The following GIGYF2 variants were observed in gnomAD, a reference collection of about 807,000 sequenced individuals.
The protein encoded by GIGYF2 is GRB10-interacting GYF protein 2.
Under a neutral mutation model 208.1 loss-of-function variants are expected in GIGYF2, and 25 were observed. That is an observed-to-expected ratio of 0.12 (90% confidence interval 0.09 to 0.17). The LOEUF is 0.17. Among genes scored for constraint, GIGYF2 ranks in the 10% least tolerant of loss-of-function variants. GIGYF2 has a pLI of 1.00. For synonymous variants in GIGYF2, 534 were observed against 543.8 expected (o/e 0.98, Z 0.25); for missense variants, 1,302 against 1,579.4 (o/e 0.82, Z 2.98).
At chr2:232,786,425 A>G (rs1382153271) in intron 8 of GIGYF2, among the ~76,000 whole-genome samples, 2 of 152,184 alleles carry the variant, frequency 1.3e-5, no homozygotes, top group African/African-American at 4.8e-5. Context: ...TTGAGTAGAC[A>G]TGAGGTTTCA....
At chr2:232,813,505 C>G (rs1207745278) in intron 18 of GIGYF2, among the ~76,000 whole-genome samples, 2 of 152,172 alleles carry the variant, frequency 1.3e-5, no homozygotes, top group Non-Finnish European at 2.9e-5. Context: ...CTGCGCCCAG[C>G]CGAGCACCTC....
rs900473722 is a variant in GIGYF2, at chr2:232,858,478, G to A, written c.*1618G>A. The A allele has an allele frequency of 2.2e-6, 1 of 455,686 alleles. No individual in the cohort carries two copies. Among genetic ancestry groups the A allele is most frequent in the South Asian group, 1.6e-5 (1 of 64,386 alleles). The allele number at this position is 455,686 out of a possible 1,614,324, so 28.2% of individuals were successfully genotyped here. A position where few individuals can be genotyped will look rare whatever the true frequency, so the allele number is the denominator to read the frequency against. On this transcript the variant is annotated 3_prime_UTR_variant, in exon 29 of 29. Coordinates refer to ENST00000373563, the MANE Select transcript of GIGYF2 (RefSeq NM_001103146.3). Reference sequence around the variant, plus strand: ...GGAGAGGAAACCATTAAAAGTTGGGGCTCCTACTCTCCTTTGCTTTGTAAA... The same window carrying A: ...GGAGAGGAAACCATTAAAAGTTGGGACTCCTACTCTCCTTTGCTTTGTAAA...
At chr2:232,734,442 C>T (rs1002565254) in intron 2 of GIGYF2, 1 of 152,130 alleles carries the variant, frequency 6.6e-6, no homozygotes, top group Non-Finnish European at 1.5e-5. Context: ...CTCCTGGGCT[C>T]CAACGATTCT....
At chr2:232,736,929 A>G (rs934269549) in intron 3 of GIGYF2, among the ~76,000 whole-genome samples, 2 of 152,246 alleles carry the variant, frequency 1.3e-5, no homozygotes, top group Non-Finnish European at 2.9e-5. Flanking sequence ...CAACAGAGAA[A>G]AGAAAAACTG....
In GIGYF2 at chr2:232,847,438, C is replaced by A. The variant is rs1264627729; in HGVS notation, c.3551C>A (p.Ala1184Asp). ...IRAYLGDTSE[A>D]KEFAKQFLER... ...GCCTATTTAGGAGATACTTCTGAGGCCAAGGAGTTTGCCAAGCAGTTCCTT... is the reference window on the plus strand; with the variant it reads ...GCCTATTTAGGAGATACTTCTGAGGACAAGGAGTTTGCCAAGCAGTTCCTT... The change falls in exon 27 of 29, where the codon GCC becomes GAC. Residue 1184 changes from alanine (A) to aspartate (D), a missense_variant. Ala to Asp is a moderately radical substitution (Grantham distance 126, BLOSUM62 -2). Around this residue, in one of 8 missense-constraint regions of GIGYF2, gnomAD observed 701 missense variants for 793.0 expected, o/e 0.88. Coordinates refer to ENST00000373563, the MANE Select transcript of GIGYF2 (RefSeq NM_001103146.3). 1 of 1,613,764 alleles carries A rather than the reference C, an allele frequency of 6.2e-7. No homozygotes were observed. Among genetic ancestry groups the A allele is most frequent in the East Asian group, 2.2e-5 (1 of 44,896 alleles).
In GIGYF2 at chr2:232,851,413, A is replaced by AT. The variant is rs5839451; in HGVS notation, c.3832+1014dup. On this transcript the variant is annotated intron_variant, in intron 28 of 28. Coordinates refer to ENST00000373563, the MANE Select transcript of GIGYF2 (RefSeq NM_001103146.3). The stretch of plus-strand genomic sequence containing the variant: ...TTTTTGCAACAGTGATGAAACTAAC[A>AT]TTTTTTTTTTCTTTTTCTTTTTCTT... Among the ~76,000 whole-genome samples, 63 of 149,180 alleles carry AT rather than the reference A, an allele frequency of 4.2e-4. 2 individuals carry two copies. The East Asian group carries it at 5.9e-3, about 14-fold the overall frequency.
intron 22 of GIGYF2, among the ~76,000 whole-genome samples, chr2:232,833,652 C>G (rs1321842591): frequency 2.6e-5 from 4 of 152,190 alleles, no homozygotes; most frequent in Non-Finnish European, 5.9e-5. Flanking sequence ...TCAGTAAACA[C>G]TGGAGTGCCT....
intron 25 of GIGYF2, among the ~76,000 whole-genome samples, chr2:232,845,263 T>C (rs1701961366): frequency 6.6e-6 from 1 of 152,220 alleles, no homozygotes; most frequent in African/African-American, 2.4e-5. Context: ...TAATAAATGG[T>C]AGTGTTGTCA....
chr2:232,735,398 T>G, intron 3 of GIGYF2, 160 bp downstream of exon 3: 1 of 645,244 alleles, frequency 1.5e-6, no homozygotes, highest in Non-Finnish European at 2.8e-6. Context: ...AAATTATATT[T>G]GGTAAATGAG....
intron 2 of GIGYF2, among the ~76,000 whole-genome samples, chr2:232,727,197 C>T (rs534322162): frequency 1.2e-4 from 19 of 152,202 alleles, no homozygotes; most frequent in Non-Finnish European, 2.4e-4. Flanking sequence ...AACTCCTGGC[C>T]TCAACTTGAT....
At chr2:232,755,317 C>G (rs1028128735) in intron 5 of GIGYF2, among the ~76,000 whole-genome samples, 4 of 152,044 alleles carry the variant, frequency 2.6e-5, no homozygotes, top group Non-Finnish European at 4.4e-5. Context: ...ATTACAGGTG[C>G]CTGCCACCGC....
At chr2:232,771,311 G>T in intron 8 of GIGYF2, 1 of 1,611,526 alleles carries the variant, frequency 6.2e-7, no homozygotes. Context: ...ACCATCCTCC[G>T]GTATCTTTGA....
At chr2:232,736,560 G>A (rs905744413) in intron 3 of GIGYF2, 2 of 152,004 alleles carry the variant, frequency 1.3e-5, no homozygotes, top group African/African-American at 4.8e-5. Flanking sequence ...TGCATTGTAT[G>A]GATGTACCAT....
intron 3 of GIGYF2, among the ~76,000 whole-genome samples, chr2:232,738,503 A>G (rs1697834397): frequency 6.6e-6 from 1 of 152,116 alleles, no homozygotes; most frequent in African/African-American, 2.4e-5. Flanking sequence ...AAAATGTAAC[A>G]TGACAAATAT....
Position 232,747,646 on chromosome 2 carries a change from A to G in GIGYF2, c.73A>G (p.Thr25Ala), listed in dbSNP as rs115263050. ...AGCTCTGTCCAGTGGTGGGAGTATT[A>G]CATCCCCTCCTCTTTCTCCAGCATT... ...LRALSSGGSI[T>A]SPPLSPALPK... Residue 25 changes from threonine (T) to alanine (A), a missense_variant, in exon 4 of 29, where the codon ACA becomes GCA. By Grantham distance (58) the Thr-to-Ala change is moderately conservative (BLOSUM62 0). Coordinates refer to ENST00000373563, the MANE Select transcript of GIGYF2 (RefSeq NM_001103146.3). The G allele has an allele frequency of 1.5e-4, 239 of 1,613,684 alleles. No homozygotes were observed. The East Asian group carries it at 4.9e-3, about 33-fold the overall frequency.
rs937572713 is a variant in GIGYF2, at chr2:232,806,265, A to G, written c.1640-226A>G. Among the ~76,000 whole-genome samples, 11 of 152,242 alleles carry G rather than the reference A, an allele frequency of 7.2e-5. No homozygotes were observed. The highest frequency in any genetic ancestry group is 9.6e-5 in the African/African-American group (4 of 41,460). On this transcript the variant is annotated intron_variant, in intron 14 of 28. Transcript: ENST00000373563. The surrounding 1 kb of genome is among the most constrained non-coding windows in gnomAD (Gnocchi z 4.0). ...GATAGAGACAGTTATGCTCCTTATA[A>G]TTGAAGTGCTGCTGATAATTTGGGA... is the stretch of plus-strand genomic sequence containing the variant.
At chr2:232,745,857 T>A (rs1698131495) in intron 3 of GIGYF2, among the ~76,000 whole-genome samples, 1 of 152,096 alleles carries the variant, frequency 6.6e-6, no homozygotes, top group African/African-American at 2.4e-5. Context: ...CCCAAATTGA[T>A]GAAAATCTCA....
chr2:232,846,613 C>T (rs775208880), intron 26 of GIGYF2, among the ~76,000 whole-genome samples: 38 of 152,136 alleles, frequency 2.5e-4, no homozygotes, highest in Non-Finnish European at 4.7e-4. Flanking sequence ...GGTTTAAAAG[C>T]CTACAGAGAA....
intron 26 of GIGYF2, 78 bp downstream of exon 26, chr2:232,845,964 G>C: frequency 1.1e-6 from 1 of 936,110 alleles, no homozygotes; most frequent in Admixed American, 1.9e-5. Flanking sequence ...TTTGAACAGT[G>C]GGCCAAAAGT....
Sources: gnomAD v4.1 joint callset for allele counts (sites outside exome capture counted in the v4.1 genomes callset) on GRCh38, gnomAD v4.1.1 for gene constraint, gnomAD v4.1.1 regional missense constraint, Gnocchi (gnomAD v3.1) non-coding constraint, MANE v1.5 for transcripts, NCBI Gene and HGNC (gene_info 2026-07-23, HGNC 2026-07-21) for gene names.